Variants in MALRD1 observed in about 807,000 individuals in gnomAD.
The protein encoded by MALRD1 is MAM and LDL receptor class A domain containing 1, also known as MAM and LDL-receptor class A domain-containing protein 1.
Under a neutral mutation model 242.1 loss-of-function variants are expected in MALRD1, and 247 were observed. The observed-to-expected ratio is 1.02, with a 90% confidence interval of 0.92 to 1.13. The LOEUF is 1.13. MALRD1 is among the 50% of genes most tolerant of loss of function. The pLI, the probability that MALRD1 is intolerant of heterozygous loss-of-function variation, is 0.00. For synonymous variants in MALRD1, 995 were observed against 866.6 expected (o/e 1.15, Z -2.60); for missense variants, 2,989 against 2,533.1 (o/e 1.18, Z -3.86).
At chr10:19,425,580 C>T (rs1246280400) in intron 28 of MALRD1, among the ~76,000 whole-genome samples, 3 of 152,044 alleles carry the variant, frequency 2.0e-5, no homozygotes, top group East Asian at 1.9e-4. Flanking sequence ...TAACTGTTCT[C>T]GATGGGCTGC....
chr10:19,634,769 G>A (rs534830854), intron 36 of MALRD1, among the ~76,000 whole-genome samples: 4 of 152,048 alleles, frequency 2.6e-5, no homozygotes, highest in Non-Finnish European at 5.9e-5. Context: ...AAGTCAGAAC[G>A]CTATAAAAAC....
chr10:19,277,278 C>T (rs1588836538), intron 19 of MALRD1, among the ~76,000 whole-genome samples: 1 of 152,162 alleles, frequency 6.6e-6, no homozygotes, highest in East Asian at 1.9e-4. Context: ...TTTTATATAT[C>T]TGATCTTGGG....
chr10:19,284,518 T>TG, intron 21 of MALRD1, among the ~76,000 whole-genome samples: 1 of 150,642 alleles, frequency 6.6e-6, no homozygotes, highest in Admixed American at 6.6e-5. Context: ...TTTTTGTTCT[T>TG]GCGATAGTTT....
intron 32 of MALRD1, among the ~76,000 whole-genome samples, chr10:19,559,180 C>T (rs532272532): frequency 9.2e-5 from 14 of 151,730 alleles, no homozygotes; most frequent in Middle Eastern, 6.8e-3. Flanking sequence ...AAGACTCTGT[C>T]TCAATAATAA....
rs1588776269 is a variant in MALRD1 at position 19,248,790 on chromosome 10, G to A, written c.2992-8894G>A. On this transcript the variant is annotated intron_variant, in intron 18 of 39. Coordinates refer to ENST00000454679, the MANE Select transcript of MALRD1 (RefSeq NM_001142308.3). ...AAACTAAGAATTTTAGATTCTAAATGTTCTCTATGGACCCATTTAGTATTA... is the reference window on the plus strand; with the variant it reads ...AAACTAAGAATTTTAGATTCTAAATATTCTCTATGGACCCATTTAGTATTA... 3.3e-5 allele frequency among the ~76,000 whole-genome samples: 5 copies of A among 151,188 alleles called. No individual in the cohort carries two copies. In the South Asian group the frequency reaches 1.0e-3, roughly 31 times the overall value.
At chr10:19,146,119 A>G in intron 10 of MALRD1, 79 bp from the exon 11 acceptor site, 1 of 1,117,484 alleles carries the variant, frequency 8.9e-7, no homozygotes, top group South Asian at 4.6e-5. Context: ...GCCTCCTAAG[A>G]TGATTAGCTA....
At chr10:19,546,672 C>G (rs945548912) in intron 32 of MALRD1, among the ~76,000 whole-genome samples, 1 of 152,124 alleles carries the variant, frequency 6.6e-6, no homozygotes, top group South Asian at 2.1e-4. Flanking sequence ...TTTCTTTTAC[C>G]TGTAGGTGTT....
Position 19,426,950 on chromosome 10 carries a change from G to A in MALRD1, c.4846-23357G>A, listed in dbSNP as rs569612059. 3.3e-5 allele frequency among the ~76,000 whole-genome samples: 5 copies of A among 152,150 alleles called. No homozygotes were observed. In the South Asian group the frequency reaches 1.0e-3, roughly 32 times the overall value. On this transcript the variant is annotated intron_variant, in intron 28 of 39. Transcript: ENST00000454679. ...CTTTTCGATTATATAAATGTGTGTTGTATGTGCATGTCTATATTTGCAGTT... is the reference window on the plus strand; with the variant it reads ...CTTTTCGATTATATAAATGTGTGTTATATGTGCATGTCTATATTTGCAGTT...
intron 26 of MALRD1, among the ~76,000 whole-genome samples, chr10:19,359,951 C>T (rs1844818904): frequency 6.6e-6 from 1 of 152,188 alleles, no homozygotes; most frequent in African/African-American, 2.4e-5. Flanking sequence ...ATAAACATTA[C>T]ACCTTTATTA....
intron 33 of MALRD1, among the ~76,000 whole-genome samples, chr10:19,577,864 C>T (rs1177877038): frequency 6.6e-6 from 1 of 151,976 alleles, no homozygotes; most frequent in Non-Finnish European, 1.5e-5. Context: ...ATAACCTTTG[C>T]TGACTCTTAT....
At chr10:19,404,175 T>A (rs1254618394) in intron 28 of MALRD1, among the ~76,000 whole-genome samples, 1 of 152,120 alleles carries the variant, frequency 6.6e-6, no homozygotes. Flanking sequence ...TTACTATGTT[T>A]CCTTAGATGT....
chr10:19,313,656 A>G (rs1238359161), intron 21 of MALRD1, among the ~76,000 whole-genome samples: 1 of 151,636 alleles, frequency 6.6e-6, no homozygotes, highest in African/African-American at 2.4e-5. Flanking sequence ...AATGTTTTAT[A>G]AAGGTCTAAT....
chr10:19,369,026 C>A lies in MALRD1; in HGVS notation c.4441+16729C>A, dbSNP rs187301718. Among the ~76,000 whole-genome samples the A allele has an allele frequency of 5.0e-4, 73 of 147,350 alleles. 1 individual carries two copies. In the East Asian group the frequency reaches 0.013, roughly 26 times the overall value. On this transcript the variant is annotated intron_variant, in intron 26 of 39. Transcript: ENST00000454679. ...TATCTGTAACTCAATGTTAAACAGA[C>A]AAATAGATACTTTAGCAGATACTCC...
At chr10:19,433,828 A>G (rs1208858537) in intron 28 of MALRD1, among the ~76,000 whole-genome samples, 4 of 152,072 alleles carry the variant, frequency 2.6e-5, no homozygotes. Context: ...TTCTATGTCC[A>G]TAGGAAGACC....
In MALRD1 at chr10:19,168,924, C is replaced by T. The variant is rs139057688; in HGVS notation, c.1830+3114C>T. On this transcript the variant is annotated intron_variant, in intron 13 of 39. Coordinates refer to ENST00000454679, the MANE Select transcript of MALRD1 (RefSeq NM_001142308.3). Reference sequence around the variant, plus strand: ...ACTTAATCTGCCTATGAGTTGGCTACAGCACACATTTATTTGGGAAACTAC... The same window carrying T: ...ACTTAATCTGCCTATGAGTTGGCTATAGCACACATTTATTTGGGAAACTAC... Among the ~76,000 whole-genome samples, 629 of 151,970 alleles carry T rather than the reference C, an allele frequency of 4.1e-3. 7 individuals are homozygous for T. Among genetic ancestry groups the T allele is most frequent in the African/African-American group, 0.014 (593 of 41,404 alleles).
intron 36 of MALRD1, among the ~76,000 whole-genome samples, chr10:19,661,788 A>G (rs10764118): frequency 6.6e-6 from 1 of 151,810 alleles, no homozygotes; most frequent in Non-Finnish European, 1.5e-5. Context: ...GTATAATTTT[A>G]AAAAAAAAGA....
intron 2 of MALRD1, among the ~76,000 whole-genome samples, chr10:19,087,512 G>T (rs1835709698): frequency 2.0e-5 from 3 of 150,656 alleles, no homozygotes; most frequent in Admixed American, 1.3e-4. Context: ...AAATTCACCA[G>T]TGATCACTCT....
At chr10:19,527,535 A>G (rs1267361099) in intron 31 of MALRD1, among the ~76,000 whole-genome samples, 3 of 152,200 alleles carry the variant, frequency 2.0e-5, no homozygotes, top group Non-Finnish European at 4.4e-5. Flanking sequence ...GGTTGACACT[A>G]CAACATGGAA....
intron 13 of MALRD1, 73 bp downstream of exon 13, chr10:19,165,883 T>C: frequency 1.8e-6 from 2 of 1,096,416 alleles, no homozygotes; most frequent in East Asian, 6.4e-5. Context: ...GATAACAATA[T>C]AACACACATA....
Sources: gnomAD v4.1 joint callset for allele counts (sites outside exome capture counted in the v4.1 genomes callset) on GRCh38, gnomAD v4.1.1 for gene constraint, MANE v1.5 for transcripts, NCBI Gene and HGNC (gene_info 2026-07-23, HGNC 2026-07-21) for gene names.